Variants in BRD9 observed in about 807,000 individuals in gnomAD.
The protein encoded by BRD9 is bromodomain-containing protein 9.
Under a neutral mutation model 68.7 loss-of-function variants are expected in BRD9, and 47 were observed. The observed-to-expected ratio is 0.68, with a 90% CI of 0.54 to 0.87. BRD9 has a LOEUF of 0.87. Ranked by LOEUF, BRD9 falls within the 40% of genes least tolerant of loss-of-function variation. BRD9 has a pLI of 0.00. For missense variants in BRD9, 670 were observed against 748.4 expected, an observed-to-expected ratio of 0.90 and a Z score of 1.22; for synonymous variants, 313 against 293.9, an observed-to-expected ratio of 1.06 and a Z score of -0.67.
chr5:864,634 G>A (rs757461208), intron 15 of BRD9, 66 bp from the exon 16 acceptor site: 2 of 1,450,544 alleles, frequency 1.4e-6, no homozygotes, highest in South Asian at 1.2e-5. Context: ...GGGGCTCCTG[G>A]AGCCCAAGGT....
rs1328502158 is a variant in BRD9 at position 870,967 on chromosome 5, C to T, written c.1423-392G>A. On this transcript the variant is annotated intron_variant, in intron 13 of 15. Coordinates refer to ENST00000467963, the MANE Select transcript of BRD9 (RefSeq NM_023924.5). ...CTTTCCTTTCCCAGCAAGGCGTGTC[C>T]TCAGGGCTAGACTACAGCCACCCTA... is the stretch of plus-strand genomic sequence containing the variant. 2.6e-5 allele frequency among the ~76,000 whole-genome samples: 4 copies of T among 152,224 alleles called. No individual in the cohort carries two copies. In the South Asian group the frequency reaches 6.2e-4, roughly 24 times the overall value.
chr5:878,450 C>T lies in BRD9; in HGVS notation c.1176G>A (p.Met392Ile), dbSNP rs1300624931. The stretch of plus-strand genomic sequence containing the variant: ...AGTCGCCAAATACTGAATTATTCTG[C>T]ATCGAAAGCGCAGTAGTGGCACTGG... ...FLSSATTALS[M>I]QNNSVFGDLK... Residue 392 changes from methionine (M) to isoleucine (I), a missense_variant, in exon 11 of 16, where the codon ATG becomes ATA. Transcript: ENST00000467963. 8 of 1,614,158 alleles carry T rather than the reference C, an allele frequency of 5.0e-6. No homozygotes were observed. The highest frequency in any genetic ancestry group is 1.6e-4 in the Middle Eastern group (1 of 6,084).
At chr5:891,429 C>T (rs1347723328) in intron 2 of BRD9, 142 bp from the exon 3 acceptor site, 1 of 1,355,394 alleles carries the variant, frequency 7.4e-7, no homozygotes, top group African/African-American at 1.5e-5. Context: ...AGGCTCCCTC[C>T]TCACAGAGAC....
chr5:864,675 G>A (rs2150542900), intron 15 of BRD9, 107 bp from the exon 16 acceptor site: 2 of 879,904 alleles, frequency 2.3e-6, no homozygotes, highest in East Asian at 2.7e-5. Context: ...AGGGCTCAGG[G>A]ACTCCCAGGA....
At chr5:891,931 TAAG>T in intron 1 of BRD9, 77 bp from the exon 2 acceptor site, 1 of 1,529,710 alleles carries the variant, frequency 6.5e-7, no homozygotes, top group Non-Finnish European at 8.8e-7. Context: ...GTGAAGGTGC[TAAG>T]AGGGAAAGGC....
intron 8 of BRD9, chr5:883,537 G>A: frequency 4.7e-6 from 2 of 422,712 alleles, no homozygotes; most frequent in South Asian, 1.7e-5. Context: ...CACAGTCGGT[G>A]GCCTATTATG....
intron 11 of BRD9, among the ~76,000 whole-genome samples, chr5:877,584 C>A (rs6869977): frequency 0.018 from 2,771 of 152,288 alleles, 83 homozygotes; most frequent in African/African-American, 0.063. Flanking sequence ...ACAAGAGTGA[C>A]CCACTTTTAT....
Position 891,872 on chromosome 5 carries a change from G to T in BRD9, c.53-18C>A, listed in dbSNP as rs1255925750. 1.3e-6 allele frequency: 2 copies of T among 1,550,022 alleles called. No individual in the cohort carries two copies. The highest frequency in any genetic ancestry group is 1.7e-6 in the Non-Finnish European group (2 of 1,146,874). ...GGCATAATCTGCACAGACACAGACC[G>T]AGTTCTACCCGCGTGCTCAGGTGCA... On this transcript the variant is annotated intron_variant, in intron 1 of 15. Transcript: ENST00000467963.
intron 6 of BRD9, chr5:886,918 T>C (rs1345376071): frequency 4.9e-6 from 4 of 808,148 alleles, no homozygotes; most frequent in African/African-American, 3.5e-5. Flanking sequence ...TTGTGGGGGC[T>C]TGACCCACCG....
intron 4 of BRD9, 30 bp downstream of exon 4, chr5:889,557 C>T (rs368994440): frequency 1.9e-6 from 3 of 1,611,504 alleles, no homozygotes; most frequent in South Asian, 1.1e-5. Context: ...CCCCCCCAGA[C>T]ACTAGCTCTT....
intron 8 of BRD9, chr5:883,454 C>T: frequency 2.2e-6 from 1 of 456,558 alleles, no homozygotes; most frequent in Non-Finnish European, 4.4e-6. Context: ...ACGTCTCCTG[C>T]CAGAAAGGAG....
In BRD9 at chr5:881,591, G is replaced by T. The variant is rs1751769638; in HGVS notation, c.967-409C>A. The T allele has an allele frequency of 1.1e-5, 3 of 277,328 alleles. No individual in the cohort carries two copies. In the South Asian group the frequency reaches 1.2e-4, roughly 11 times the overall value. The allele number at this position is 277,328 out of a possible 1,614,324, so 17.2% of individuals were successfully genotyped here. On this transcript the variant is annotated intron_variant, in intron 8 of 15. Coordinates refer to ENST00000467963, the MANE Select transcript of BRD9 (RefSeq NM_023924.5). ...AACCCACCACCCACACCCCAGTTCT[G>T]TGTACAGGCCATCAGGAGGATCCAG...
At chr5:889,724 C>G in intron 3 of BRD9, 77 bp from the exon 4 acceptor site, 1 of 1,589,394 alleles carries the variant, frequency 6.3e-7, no homozygotes, top group Non-Finnish European at 8.6e-7. Flanking sequence ...TTCACAGTAT[C>G]TGTCTGTCTG....
chr5:874,765 A>G (rs1315882307), intron 12 of BRD9, among the ~76,000 whole-genome samples: 1 of 152,256 alleles, frequency 6.6e-6, no homozygotes, highest in African/African-American at 2.4e-5. Flanking sequence ...TCATCAGTGA[A>G]AACTGATCTG....
At chr5:870,614 CA>C (rs1387586891) in intron 13 of BRD9, 39 bp from the exon 14 acceptor site, 1 of 1,472,898 alleles carries the variant, frequency 6.8e-7, no homozygotes, top group South Asian at 1.2e-5. Flanking sequence ...ATTCAAACAT[CA>C]AACGAAAAAC....
At chr5:868,251 CTG>C (rs1422963587) in intron 14 of BRD9, among the ~76,000 whole-genome samples, 3 of 152,234 alleles carry the variant, frequency 2.0e-5, no homozygotes, top group African/African-American at 7.2e-5. Flanking sequence ...GCCTGAGGAA[CTG>C]TGAGTCAATT....
At chr5:891,415 T>C (rs917544894) in intron 2 of BRD9, 128 bp from the exon 3 acceptor site, 2 of 1,395,018 alleles carry the variant, frequency 1.4e-6, no homozygotes, top group African/African-American at 1.5e-5. Context: ...ATCCTCCTCA[T>C]GCCAGGCTCC....
chr5:880,415 T>C (rs1290843672), intron 9 of BRD9, among the ~76,000 whole-genome samples: 2 of 150,094 alleles, frequency 1.3e-5, no homozygotes, highest in African/African-American at 2.5e-5. Context: ...GAAGATTATA[T>C]AGATCAGCCC....
intron 12 of BRD9, among the ~76,000 whole-genome samples, chr5:875,472 C>A (rs186983877): frequency 6.6e-6 from 1 of 152,084 alleles, no homozygotes; most frequent in African/African-American, 2.4e-5. Context: ...CTCAGCCTCC[C>A]GAGTAGCTGG....
Sources: allele counts gnomAD v4.1 joint callset (sites outside exome capture counted in the v4.1 genomes callset), GRCh38; gene constraint gnomAD v4.1.1; transcripts MANE v1.5; gene names NCBI Gene and HGNC (gene_info 2026-07-23, HGNC 2026-07-21).